ZRANB1: variants seen among roughly 807,000 people sequenced by gnomAD.
ZRANB1 encodes the protein zinc finger RANBP2-type containing 1.
ZRANB1 carries 16 observed loss-of-function variants against 80.5 expected under a neutral mutation model. The observed-to-expected ratio is 0.20, with a 90% confidence interval of 0.13 to 0.30. The LOEUF is 0.30. Among genes scored for constraint, ZRANB1 ranks in the 10% least tolerant of loss-of-function variants. ZRANB1 has a pLI of 1.00. For missense variants in ZRANB1, 576 were observed against 862.6 expected, an observed-to-expected ratio of 0.67 and a Z score of 4.16; for synonymous variants, 291 against 293.1, an observed-to-expected ratio of 0.99 and a Z score of 0.07.
Position 124,942,334 on chromosome 10 carries a change from G to A in ZRANB1, c.-160G>A, listed in dbSNP as rs982800752. ...AAGAAAATTAGGATAATTCAATGTC[G>A]AAATGTTGCATGCATCTTTTGAGAA... On this transcript the variant is annotated 5_prime_UTR_variant, in exon 1 of 9. Coordinates refer to ENST00000359653, the MANE Select transcript of ZRANB1 (RefSeq NM_017580.3). 7.0e-6 allele frequency: 10 copies of A among 1,427,112 alleles called. No homozygotes were observed. The highest frequency in any genetic ancestry group is 6.3e-5 in the South Asian group (4 of 63,366). 88.4% of individuals were successfully genotyped at this position (1,427,112 alleles called of 1,614,324 possible). A position where few individuals can be genotyped will look rare whatever the true frequency, so the allele number is the denominator to read the frequency against.
intron 1 of ZRANB1, among the ~76,000 whole-genome samples, chr10:124,949,930 A>G (rs1348850244): frequency 1.3e-5 from 2 of 152,216 alleles, no homozygotes; most frequent in Admixed American, 6.5e-5. Context: ...GTGCACATGC[A>G]GTGGTGTTCC....
At chr10:124,928,787 A>T in the ZRANB1 span, among the ~76,000 whole-genome samples, 2 of 152,222 alleles carry the variant, frequency 1.3e-5, no homozygotes, top group African/African-American at 4.8e-5. Context: ...AAATTAAAGT[A>T]GGGTGATGTG....
intron 1 of ZRANB1, among the ~76,000 whole-genome samples, chr10:124,949,280 C>T (rs555665101): frequency 2.6e-5 from 4 of 151,826 alleles, no homozygotes; most frequent in Non-Finnish European, 4.4e-5. Flanking sequence ...TCCTAGTTGG[C>T]GTTTATCTTA....
At chr10:124,923,683 T>C in the ZRANB1 span, among the ~76,000 whole-genome samples, 14 of 151,776 alleles carry the variant, frequency 9.2e-5, no homozygotes, top group Non-Finnish European at 1.8e-4. Flanking sequence ...TGGTAGAAGG[T>C]GAAGAGAAAA....
chr10:124,970,833 GTTTTT>G (rs34391929), intron 2 of ZRANB1, among the ~76,000 whole-genome samples: 1 of 85,380 alleles, frequency 1.2e-5, no homozygotes, highest in South Asian at 4.7e-4. Context: ...TCTCTTTGGG[GTTTTT>G]TTTTTTTTTT....
chr10:124,981,859 A>G (rs371501094), intron 6 of ZRANB1, 30 bp downstream of exon 6: 120 of 1,611,180 alleles, frequency 7.4e-5, no homozygotes, highest in Non-Finnish European at 9.6e-5. Flanking sequence ...TGTTGCTTCT[A>G]TGAGAAAAGT....
At chr10:124,946,312 G>A in intron 1 of ZRANB1, 2 of 153,080 alleles carry the variant, frequency 1.3e-5, no homozygotes, top group Admixed American at 6.5e-5. Flanking sequence ...CAGCTACCTG[G>A]GAGGCTGAGG....
upstream of ZRANB1, among the ~76,000 whole-genome samples, chr10:124,937,751 C>T (rs552888595): frequency 2.6e-5 from 4 of 152,136 alleles, no homozygotes; most frequent in East Asian, 3.9e-4. Flanking sequence ...AAAACAGTTA[C>T]GAATTTAGTA....
the ZRANB1 span, among the ~76,000 whole-genome samples, chr10:124,918,001 A>G: frequency 2.0e-5 from 3 of 152,210 alleles, no homozygotes; most frequent in Non-Finnish European, 4.4e-5. Context: ...TCTTTGAGAT[A>G]CACTGGTGTT....
intron 1 of ZRANB1, among the ~76,000 whole-genome samples, chr10:124,955,794 C>T (rs1196966321): frequency 2.0e-5 from 3 of 152,142 alleles, no homozygotes; most frequent in African/African-American, 7.2e-5. Context: ...TTTCCAGCAA[C>T]ATAAAATATT....
intron 1 of ZRANB1, among the ~76,000 whole-genome samples, chr10:124,964,863 G>T (rs1041038135): frequency 1.3e-5 from 2 of 152,132 alleles, no homozygotes; most frequent in African/African-American, 4.8e-5. Context: ...GAGATGGTGT[G>T]GGCATGGTCA....
chr10:124,953,091 AT>A (rs368258624), intron 1 of ZRANB1, among the ~76,000 whole-genome samples: 2,392 of 131,574 alleles, frequency 0.018, 57 homozygotes, highest in African/African-American at 0.057. Context: ...TGCCTGGCTA[AT>A]TTTTTTTTTT....
At chr10:124,966,458 A>G in intron 1 of ZRANB1, 136 bp from the exon 2 acceptor site, 1 of 843,452 alleles carries the variant, frequency 1.2e-6, no homozygotes, top group Non-Finnish European at 1.8e-6. Context: ...CCTTACTCTT[A>G]TAGGACATTT....
In ZRANB1 at chr10:124,983,348, AATGGCTCAG is replaced by A; in HGVS notation, c.1678+48_1678+56del. On this transcript the variant is annotated intron_variant, in intron 7 of 8. Coordinates refer to ENST00000359653, the MANE Select transcript of ZRANB1 (RefSeq NM_017580.3). This position sits in a 1 kb window ranked among gnomAD's most constrained non-coding sequence, Gnocchi z 6.2. The stretch of plus-strand genomic sequence containing the variant: ...ACGTTTTACAAGTTTCTTTGAACGG[AATGGCTCAG>A]ATGTCAGGAAGGAGCAGTGGACAGG... 3 of 1,608,716 alleles carry A rather than the reference AATGGCTCAG, an allele frequency of 1.9e-6. No individual in the cohort carries two copies. Among genetic ancestry groups the A allele is most frequent in the Non-Finnish European group, 2.5e-6 (3 of 1,176,802 alleles).
intron 1 of ZRANB1, among the ~76,000 whole-genome samples, chr10:124,951,247 TAA>T (rs1192891253): frequency 3.3e-5 from 5 of 152,140 alleles, no homozygotes; most frequent in Non-Finnish European, 5.9e-5. Context: ...ATGATTTTTT[TAA>T]AAAAAGTTTC....
intron 5 of ZRANB1, among the ~76,000 whole-genome samples, chr10:124,974,791 CTGAT>C (rs371162396): frequency 1.7e-4 from 26 of 152,102 alleles, no homozygotes; most frequent in Admixed American, 3.9e-4. Flanking sequence ...GATTGATTGA[CTGAT>C]TGATTGATTG....
Position 124,985,523 on chromosome 10 carries a change from A to G in ZRANB1, c.*531A>G, listed in dbSNP as rs541136901. 3 of 152,874 alleles carry G rather than the reference A, an allele frequency of 2.0e-5. No homozygotes were observed. The South Asian group carries it at 6.2e-4, about 32-fold the overall frequency. The allele number at this position is 152,874 out of a possible 1,614,324, so 9.5% of individuals were successfully genotyped here. A position where few individuals can be genotyped will look rare whatever the true frequency, so the allele number is the denominator to read the frequency against. Reference sequence around the variant, plus strand: ...ACAAAAATAAGCTTTTATTTTATTAATAATTTCGTTCCTCTTGTGCCCAAT... The same window carrying G: ...ACAAAAATAAGCTTTTATTTTATTAGTAATTTCGTTCCTCTTGTGCCCAAT... On this transcript the variant is annotated 3_prime_UTR_variant, in exon 9 of 9. Transcript: ENST00000359653.
the ZRANB1 span, among the ~76,000 whole-genome samples, chr10:124,927,559 G>T: frequency 5.4e-4 from 82 of 152,206 alleles, no homozygotes; most frequent in African/African-American, 1.9e-3. Flanking sequence ...ACTTTTTGTG[G>T]AATACTATCT....
At chr10:124,944,484 T>TCCCCCC (rs56891265) in intron 1 of ZRANB1, among the ~76,000 whole-genome samples, 12 of 60,910 alleles carry the variant, frequency 2.0e-4, no homozygotes, top group African/African-American at 5.6e-4. Context: ...TATATATCAT[T>TCCCCCC]CCCCCCCCCC....
Sources: gnomAD v4.1 joint callset for allele counts (sites outside exome capture counted in the v4.1 genomes callset) on GRCh38, gnomAD v4.1.1 for gene constraint, Gnocchi (gnomAD v3.1) non-coding constraint, MANE v1.5 for transcripts, NCBI Gene and HGNC (gene_info 2026-07-23, HGNC 2026-07-21) for gene names.